BLNK: variants seen among roughly 807,000 people sequenced by gnomAD.
The protein encoded by BLNK is B cell linker.
BLNK carries 29 observed loss-of-function variants against 73.5 expected under a neutral mutation model. That is an observed-to-expected ratio of 0.39 (90% CI 0.29 to 0.54). BLNK has a LOEUF of 0.54. Ranked by LOEUF, BLNK falls within the 20% of genes least tolerant of loss-of-function variation. The pLI is 0.61. For missense variants in BLNK, 460 were observed against 562.8 expected, an observed-to-expected ratio of 0.82 and a Z score of 1.85; for synonymous variants, 176 against 200.8, an observed-to-expected ratio of 0.88 and a Z score of 1.04.
At chr10:96,197,187 AT>A in intron 15 of BLNK, 124 bp from the exon 16 acceptor site, 1 of 699,748 alleles carries the variant, frequency 1.4e-6, no homozygotes, top group Non-Finnish European at 2.3e-6. Context: ...TAGCTACATT[AT>A]TTTTATTATT....
intron 1 of BLNK, among the ~76,000 whole-genome samples, chr10:96,257,180 C>T (rs1843555430): frequency 6.6e-6 from 1 of 152,128 alleles, no homozygotes; most frequent in Non-Finnish European, 1.5e-5. Context: ...AGGATGTTTA[C>T]AAGACAAGGA....
chr10:96,228,281 C>T (rs1052448614), intron 4 of BLNK, among the ~76,000 whole-genome samples: 22 of 150,836 alleles, frequency 1.5e-4, no homozygotes, highest in African/African-American at 2.9e-4. Flanking sequence ...TTTTTGAAAC[C>T]GAGTCTTGCT....
intron 11 of BLNK, 146 bp downstream of exon 11, chr10:96,206,865 T>C (rs1591306768): frequency 2.3e-6 from 2 of 863,636 alleles, no homozygotes; most frequent in East Asian, 2.7e-5. Flanking sequence ...TGCTGTTCAT[T>C]GCTCATTGCA....
intron 2 of BLNK, 131 bp downstream of exon 2, chr10:96,246,853 A>AG: frequency 1.5e-6 from 1 of 648,202 alleles, no homozygotes; most frequent in African/African-American, 1.8e-5. Context: ...ATTCCAGCCA[A>AG]TAGTAAAGAA....
chr10:96,254,497 G>T (rs781874336), intron 1 of BLNK, among the ~76,000 whole-genome samples: 9 of 151,526 alleles, frequency 5.9e-5, no homozygotes, highest in Non-Finnish European at 1.0e-4. Flanking sequence ...CTTCTTCAAT[G>T]AGTTTTTTTT....
At chr10:96,256,973 TC>T (rs1564850725) in intron 1 of BLNK, among the ~76,000 whole-genome samples, 1 of 152,082 alleles carries the variant, frequency 6.6e-6, no homozygotes, top group Non-Finnish European at 1.5e-5. Flanking sequence ...TTCTGAATGT[TC>T]TTTAACCCTT....
chr10:96,263,019 C>A (rs1843826825), intron 1 of BLNK, among the ~76,000 whole-genome samples: 1 of 152,196 alleles, frequency 6.6e-6, no homozygotes, highest in Non-Finnish European at 1.5e-5. Flanking sequence ...TCCTTTCAGT[C>A]CTCGCAAGGC....
rs181605256 is a variant in BLNK, at chr10:96,215,942, T to C, written c.608-553A>G. 3.2e-4 allele frequency: 52 copies of C among 162,418 alleles called. 1 individual carries two copies. The highest frequency in any genetic ancestry group is 3.2e-3 in the Middle Eastern group (1 of 308). 10.1% of individuals were successfully genotyped at this position (162,418 alleles called of 1,614,324 possible). A position where few individuals can be genotyped will look rare whatever the true frequency, so the allele number is the denominator to read the frequency against. On this transcript the variant is annotated intron_variant, in intron 7 of 16. Transcript: ENST00000224337. The stretch of plus-strand genomic sequence containing the variant: ...GAATTCAGGTGGGTCTTGAAGCTGT[T>C]GGTGATAGGTACGGAGTACGGGAGA...
At chr10:96,231,349 AAAT>A (rs781795659) in intron 3 of BLNK, among the ~76,000 whole-genome samples, 8 of 152,238 alleles carry the variant, frequency 5.3e-5, no homozygotes, top group Non-Finnish European at 1.2e-4. Context: ...TGTTAAAAAA[AAAT>A]TATCCAATGT....
At chr10:96,239,601 G>A (rs1842817682) in intron 3 of BLNK, among the ~76,000 whole-genome samples, 1 of 152,164 alleles carries the variant, frequency 6.6e-6, no homozygotes, top group Non-Finnish European at 1.5e-5. Flanking sequence ...AAGAGATGAT[G>A]AAGGCCTTAG....
At chr10:96,253,991 A>C (rs1554910125) in intron 1 of BLNK, among the ~76,000 whole-genome samples, 1 of 151,872 alleles carries the variant, frequency 6.6e-6, no homozygotes, top group Non-Finnish European at 1.5e-5. Flanking sequence ...ACTGCACTCC[A>C]GCCTGGGCGA....
At chr10:96,224,900 G>C (rs901074019) in intron 5 of BLNK, among the ~76,000 whole-genome samples, 1 of 151,988 alleles carries the variant, frequency 6.6e-6, no homozygotes, top group Non-Finnish European at 1.5e-5. Context: ...GTTTTACCAT[G>C]TTGGCCAGGC....
intron 6 of BLNK, among the ~76,000 whole-genome samples, chr10:96,218,273 GT>G (rs200318030): frequency 4.6e-5 from 7 of 152,010 alleles, no homozygotes; most frequent in African/African-American, 1.2e-4. Flanking sequence ...TACTTTACAT[GT>G]TTTTTTTCTC....
At chr10:96,236,677 T>G (rs1255948612) in intron 3 of BLNK, among the ~76,000 whole-genome samples, 1 of 151,864 alleles carries the variant, frequency 6.6e-6, no homozygotes, top group Non-Finnish European at 1.5e-5. Context: ...TTTTAGAAAA[T>G]TAGCCAGGCA....
rs145518293 is a variant in BLNK at position 96,228,796 on chromosome 10, T to C, written c.205-1230A>G. ...AATATTTGACTCAGGACATAAGAGGTCCTCTGGCCTCTGTGTCCACCGCCC... is the reference window on the plus strand; with the variant it reads ...AATATTTGACTCAGGACATAAGAGGCCCTCTGGCCTCTGTGTCCACCGCCC... On this transcript the variant is annotated intron_variant, in intron 4 of 16. Coordinates refer to ENST00000224337, the MANE Select transcript of BLNK (RefSeq NM_013314.4). 6.6e-3 allele frequency among the ~76,000 whole-genome samples: 1,008 copies of C among 152,266 alleles called. 18 individuals carry two copies. The highest frequency in any genetic ancestry group is 0.023 in the African/African-American group (942 of 41,546).
chr10:96,216,433 T>C (rs1308907689), intron 7 of BLNK: 18 of 585,332 alleles, frequency 3.1e-5, no homozygotes, highest in East Asian at 1.2e-4. Context: ...GATTAAAGCA[T>C]GGAAGAGGAA....
chr10:96,262,734 C>A (rs1200149032), intron 1 of BLNK, among the ~76,000 whole-genome samples: 1 of 152,212 alleles, frequency 6.6e-6, no homozygotes, highest in Non-Finnish European at 1.5e-5. Context: ...ACCAGACACA[C>A]CTGAGTCAGT....
intron 9 of BLNK, among the ~76,000 whole-genome samples, chr10:96,209,330 C>T (rs1267622934): frequency 6.6e-6 from 1 of 152,196 alleles, no homozygotes; most frequent in East Asian, 1.9e-4. Flanking sequence ...AGTTAGTGAA[C>T]TCAAGACTTA....
chr10:96,223,091 G>A (rs1401066556), intron 6 of BLNK, among the ~76,000 whole-genome samples: 2 of 152,144 alleles, frequency 1.3e-5, no homozygotes, highest in South Asian at 2.1e-4. Flanking sequence ...CGCATTAAGA[G>A]GCAAAATGGC....
Sources: allele counts gnomAD v4.1 joint callset (sites outside exome capture counted in the v4.1 genomes callset), GRCh38; gene constraint gnomAD v4.1.1; transcripts MANE v1.5; gene names NCBI Gene and HGNC (gene_info 2026-07-23, HGNC 2026-07-21).